The following MS4A4E variants were observed in gnomAD, a reference collection of about 807,000 sequenced individuals.
MS4A4E encodes the protein putative membrane-spanning 4-domains subfamily A member 4E.
Under a neutral mutation model 13.3 loss-of-function variants are expected in MS4A4E, and 23 were observed. That is an observed-to-expected ratio of 1.73 (90% CI 1.25 to 2.45). The LOEUF is 2.45. Ranked by LOEUF, MS4A4E falls within the 30% of genes most tolerant of loss-of-function variation. The probability of loss-of-function intolerance (pLI) is 0.00; values close to 1 mark genes in which losing one functional copy is unlikely to be tolerated. For synonymous variants in MS4A4E, 36 were observed against 45.6 expected (o/e 0.79, Z 0.85); for missense variants, 144 against 131.2 (o/e 1.10, Z -0.48).
chr11:60,213,411 T>A, intron 4 of MS4A4E: 1 of 993,168 alleles, frequency 1.0e-6, no homozygotes, highest in Non-Finnish European at 1.5e-6. Flanking sequence ...GACAGTCATG[T>A]CTGTGTCCTT....
At chr11:60,217,365 G>C (rs893294198) in intron 3 of MS4A4E, among the ~76,000 whole-genome samples, 1 of 152,178 alleles carries the variant, frequency 6.6e-6, no homozygotes, top group Admixed American at 6.5e-5. Flanking sequence ...ATGTGCGGTA[G>C]AACCTTGATG....
chr11:60,219,447 G>T (rs953758751), intron 3 of MS4A4E, among the ~76,000 whole-genome samples: 2 of 152,020 alleles, frequency 1.3e-5, no homozygotes, highest in South Asian at 4.2e-4. Context: ...TAATTACAGC[G>T]TTCCTAGAAG....
intron 1 of MS4A4E, among the ~76,000 whole-genome samples, chr11:60,234,503 T>C (rs554127912): frequency 6.6e-6 from 1 of 152,140 alleles, no homozygotes; most frequent in South Asian, 2.1e-4. Context: ...GGGTAAGCTA[T>C]GGCAGGAGTG....
At chr11:60,207,321 A>G (rs1334966320) in intron 6 of MS4A4E, among the ~76,000 whole-genome samples, 2 of 152,186 alleles carry the variant, frequency 1.3e-5, no homozygotes, top group African/African-American at 4.8e-5. Flanking sequence ...GGGAAACAAC[A>G]TTCCCCAGCT....
Position 60,243,076 on chromosome 11 carries a change from T to C in MS4A4E, c.-135A>G. 1.2e-6 allele frequency: 1 copy of C among 857,424 alleles called. No homozygotes were observed. Among genetic ancestry groups the C allele is most frequent in the Non-Finnish European group, 1.8e-6 (1 of 560,484 alleles). The allele number at this position is 857,424 out of a possible 1,614,324, so 53.1% of individuals were successfully genotyped here. A position where few individuals can be genotyped will look rare whatever the true frequency, so the allele number is the denominator to read the frequency against. Reference sequence around the variant, plus strand: ...TCCCCCACTCCACACCTCACTCAGTTTAAATCTGCACTCCTTTTCTAGTAG... The same window carrying C: ...TCCCCCACTCCACACCTCACTCAGTCTAAATCTGCACTCCTTTTCTAGTAG... On this transcript the variant is annotated 5_prime_UTR_variant, in exon 1 of 9. Transcript: ENST00000651255.
intron 3 of MS4A4E, chr11:60,224,919 C>A (rs1223065037): frequency 1.4e-6 from 2 of 1,398,412 alleles, no homozygotes; most frequent in African/African-American, 1.4e-5. Context: ...GGTATTTACA[C>A]CTCTATTATG....
At chr11:60,214,520 C>G (rs913085197) in intron 4 of MS4A4E, 51 bp downstream of exon 4, 3 of 1,307,150 alleles carry the variant, frequency 2.3e-6, no homozygotes, top group Non-Finnish European at 3.1e-6. Flanking sequence ...TGGCAGAATA[C>G]ATTATTGATT....
At chr11:60,237,490 A>G (rs1422177128) in intron 1 of MS4A4E, among the ~76,000 whole-genome samples, 1 of 152,070 alleles carries the variant, frequency 6.6e-6, no homozygotes, top group Non-Finnish European at 1.5e-5. Flanking sequence ...GTTGAATGGT[A>G]TTTCTGTTTT....
intron 3 of MS4A4E, among the ~76,000 whole-genome samples, chr11:60,215,062 T>C (rs1480254003): frequency 6.6e-6 from 1 of 152,152 alleles, no homozygotes; most frequent in Non-Finnish European, 1.5e-5. Flanking sequence ...ATATACTACT[T>C]CATCTGAATC....
intron 6 of MS4A4E, among the ~76,000 whole-genome samples, chr11:60,207,156 G>C (rs668287): frequency 6.6e-6 from 1 of 151,930 alleles, no homozygotes; most frequent in African/African-American, 2.4e-5. Context: ...GAATAGCAGG[G>C]ATCATCACAA....
At chr11:60,230,392 C>A (rs578091073) in intron 1 of MS4A4E, among the ~76,000 whole-genome samples, 1 of 152,138 alleles carries the variant, frequency 6.6e-6, no homozygotes, top group Non-Finnish European at 1.5e-5. Flanking sequence ...CCTTTTAATG[C>A]CTAGTCTCTT....
At chr11:60,238,552 T>C (rs1312220280) in intron 1 of MS4A4E, among the ~76,000 whole-genome samples, 4 of 152,162 alleles carry the variant, frequency 2.6e-5, no homozygotes, top group Non-Finnish European at 5.9e-5. Context: ...TTTCTTCTTG[T>C]AATTTTTGTC....
chr11:60,225,876 A>C (rs994380425), intron 3 of MS4A4E, among the ~76,000 whole-genome samples: 2 of 151,936 alleles, frequency 1.3e-5, no homozygotes, highest in Admixed American at 1.3e-4. Context: ...TTTTTTTTAA[A>C]AAAAAGAAAA....
intron 1 of MS4A4E, among the ~76,000 whole-genome samples, chr11:60,236,797 T>C (rs2134972920): frequency 6.6e-6 from 1 of 151,836 alleles, no homozygotes; most frequent in South Asian, 2.1e-4. Flanking sequence ...AGTGCAGTGG[T>C]GTGATCTCAG....
intron 2 of MS4A4E, 29 bp downstream of exon 2, chr11:60,229,883 G>C (rs972395052): frequency 1.3e-6 from 2 of 1,569,248 alleles, no homozygotes; most frequent in African/African-American, 1.4e-5. Flanking sequence ...AACACTATTG[G>C]TCTTCTCCCA....
At chr11:60,237,901 A>T (rs1297159557) in intron 1 of MS4A4E, among the ~76,000 whole-genome samples, 1 of 151,810 alleles carries the variant, frequency 6.6e-6, no homozygotes, top group Non-Finnish European at 1.5e-5. Flanking sequence ...AAAGTATTGG[A>T]TTTTGTTAAT....
At chr11:60,208,403 C>T (rs930990625) in intron 6 of MS4A4E, among the ~76,000 whole-genome samples, 190 bp downstream of exon 6, 5 of 152,130 alleles carry the variant, frequency 3.3e-5, no homozygotes, top group Admixed American at 6.6e-5. Context: ...GCCACAGCCC[C>T]GGCCAACTCC....
At chr11:60,212,893 AT>A (rs2084142006) in intron 5 of MS4A4E, among the ~76,000 whole-genome samples, 80 bp downstream of exon 5, 1 of 152,202 alleles carries the variant, frequency 6.6e-6, no homozygotes, top group Admixed American at 6.5e-5. Flanking sequence ...TTAGGAAATG[AT>A]AATTATTGTT....
At chr11:60,208,795 G>A (rs561370943) in intron 5 of MS4A4E, 101 bp from the exon 6 acceptor site, 96 of 462,886 alleles carry the variant, frequency 2.1e-4, no homozygotes, top group African/African-American at 1.8e-3. Flanking sequence ...CACTGGCTGG[G>A]AGTCAGGAAA....
Sources: gnomAD v4.1 joint callset for allele counts (sites outside exome capture counted in the v4.1 genomes callset) on GRCh38, gnomAD v4.1.1 for gene constraint, MANE v1.5 for transcripts, NCBI Gene and HGNC (gene_info 2026-07-23, HGNC 2026-07-21) for gene names.